FAF2: variants seen among roughly 807,000 people sequenced by gnomAD.
The protein encoded by FAF2 is Fas associated factor family member 2, also known as FAS-associated factor 2.
A neutral mutation model predicts 62.3 loss-of-function variants in FAF2; 9 were observed. The observed-to-expected ratio is 0.14, with a 90% CI of 0.09 to 0.25. FAF2 has a LOEUF of 0.25. Ranked by LOEUF, FAF2 falls within the 10% of genes least tolerant of loss-of-function variation. The pLI is 1.00. For synonymous variants in FAF2, 202 were observed against 198.0 expected, an observed-to-expected ratio of 1.02 and a Z score of -0.17; for missense variants, 368 against 556.2, an observed-to-expected ratio of 0.66 and a Z score of 3.40.
intron 5 of FAF2, 127 bp downstream of exon 5, chr5:176,492,459 A>G (rs1025397716): frequency 1.9e-6 from 2 of 1,036,724 alleles, no homozygotes; most frequent in African/African-American, 1.6e-5. Context: ...CACTGCTTAT[A>G]GGGGTGGGTA....
intron 1 of FAF2, among the ~76,000 whole-genome samples, chr5:176,471,932 G>A (rs192336128): frequency 1.3e-5 from 2 of 151,732 alleles, no homozygotes; most frequent in Non-Finnish European, 2.9e-5. Flanking sequence ...CGCCCCCCTC[G>A]GTCTCCCAAA....
rs10066209 is a variant in FAF2, at chr5:176,456,272, A to G, written c.63+7802A>G. Among the ~76,000 whole-genome samples the G allele has an allele frequency of 4.6e-5, 7 of 152,304 alleles. No individual in the cohort carries two copies. In the East Asian group the frequency reaches 7.7e-4, roughly 17 times the overall value. ...TTTTTAGTAGAGATGGGGTTTTGCCATGCTGGCCAGGCTGGTCTTGAATTC... is the reference window on the plus strand; with the variant it reads ...TTTTTAGTAGAGATGGGGTTTTGCCGTGCTGGCCAGGCTGGTCTTGAATTC... On this transcript the variant is annotated intron_variant, in intron 1 of 10. Transcript: ENST00000261942.
chr5:176,486,336 A>T lies in FAF2; in HGVS notation c.133-19A>T. 1 of 1,609,712 alleles carries T rather than the reference A, an allele frequency of 6.2e-7. No homozygotes were observed. On this transcript the variant is annotated intron_variant, in intron 2 of 10. Coordinates refer to ENST00000261942, the MANE Select transcript of FAF2 (RefSeq NM_014613.3). The stretch of plus-strand genomic sequence containing the variant: ...TTTGAGCATCGCTGAAACTCTTGCC[A>T]CTCCGTTTTCCTTCTCAGGCTGCTG...
At chr5:176,478,474 G>A (rs987086941) in intron 1 of FAF2, among the ~76,000 whole-genome samples, 1 of 151,848 alleles carries the variant, frequency 6.6e-6, no homozygotes, top group East Asian at 1.9e-4. Context: ...GCAAGACCCT[G>A]TCTCGAAAAA....
At chr5:176,456,005 G>A (rs1016662563) in intron 1 of FAF2, among the ~76,000 whole-genome samples, 13 of 151,604 alleles carry the variant, frequency 8.6e-5, no homozygotes, top group African/African-American at 3.2e-4. Flanking sequence ...TTCTGTCTTT[G>A]TCTTATAGAG....
At chr5:176,461,312 CTTT>C (rs60608969) in intron 1 of FAF2, among the ~76,000 whole-genome samples, 24 of 70,732 alleles carry the variant, frequency 3.4e-4, no homozygotes, top group African/African-American at 1.2e-3. Flanking sequence ...CTGTGCCCAG[CTTT>C]TTTTTTTTTT....
chr5:176,505,864 G>C (rs1282418699), intron 10 of FAF2, among the ~76,000 whole-genome samples: 1 of 152,028 alleles, frequency 6.6e-6, no homozygotes, highest in Non-Finnish European at 1.5e-5. Context: ...CACGTTGATT[G>C]ATGGGCTTAA....
chr5:176,458,584 T>A (rs1758320896), intron 1 of FAF2, among the ~76,000 whole-genome samples: 1 of 148,424 alleles, frequency 6.7e-6, no homozygotes, highest in South Asian at 2.2e-4. Context: ...TTGTATTTTT[T>A]AAGTAGAGAT....
chr5:176,504,666 A>G (rs1272820739), intron 10 of FAF2, among the ~76,000 whole-genome samples: 1 of 152,220 alleles, frequency 6.6e-6, no homozygotes, highest in East Asian at 1.9e-4. Context: ...ATGTTAAGAA[A>G]GAGTGAACAT....
At chr5:176,482,017 A>G (rs576068050) in intron 2 of FAF2, among the ~76,000 whole-genome samples, 1 of 151,876 alleles carries the variant, frequency 6.6e-6, no homozygotes, top group East Asian at 1.9e-4. Flanking sequence ...CCTCACCAAC[A>G]CTTGTTAATA....
At chr5:176,482,898 G>A (rs1758807081) in intron 2 of FAF2, among the ~76,000 whole-genome samples, 1 of 99,792 alleles carries the variant, frequency 1.0e-5, no homozygotes. Flanking sequence ...TTGTGGTTTT[G>A]TTGTTGTTGT....
intron 2 of FAF2, among the ~76,000 whole-genome samples, chr5:176,482,802 C>T (rs1758805516): frequency 6.6e-6 from 1 of 152,184 alleles, no homozygotes; most frequent in South Asian, 2.1e-4. Context: ...AGACGTGAGC[C>T]ACCATGCCTG....
intron 8 of FAF2, among the ~76,000 whole-genome samples, chr5:176,497,249 T>TAA (rs151016039): frequency 1.6e-4 from 23 of 148,146 alleles, no homozygotes; most frequent in African/African-American, 5.4e-4. Flanking sequence ...AACTTCGATG[T>TAA]AAAAAAAAAA....
At position 176,501,137 on chromosome 5, in the gene FAF2, AAT is replaced by A. The variant is rs754926783; in HGVS notation, c.1155+993_1155+994del. ...GACCCTGTAAAAAAAAAAAATAAATAATAATAATAATAGGCACTCCCTAGTAG... is the reference window on the plus strand; with the variant it reads ...GACCCTGTAAAAAAAAAAAATAAATAAATAATAATAGGCACTCCCTAGTAG... On this transcript the variant is annotated intron_variant, in intron 10 of 10. Coordinates refer to ENST00000261942, the MANE Select transcript of FAF2 (RefSeq NM_014613.3). 2.2e-3 allele frequency among the ~76,000 whole-genome samples: 286 copies of A among 128,108 alleles called. 1 individual carries two copies. Among genetic ancestry groups the A allele is most frequent in the South Asian group, 9.7e-3 (29 of 2,980 alleles). 84.0% of individuals were successfully genotyped at this position (128,108 alleles called of 152,430 possible).
intron 1 of FAF2, among the ~76,000 whole-genome samples, chr5:176,460,148 G>C (rs1295936818): frequency 6.6e-6 from 1 of 152,156 alleles, no homozygotes; most frequent in African/African-American, 2.4e-5. Context: ...GGGCATCTAG[G>C]TTGATTCCAT....
chr5:176,462,848 GGGAT>G (rs1414619982), intron 1 of FAF2, among the ~76,000 whole-genome samples: 2 of 152,118 alleles, frequency 1.3e-5, no homozygotes, highest in Admixed American at 6.5e-5. Flanking sequence ...GAAGGGGTGA[GGGAT>G]GGGCAGGGAA....
chr5:176,505,344 C>T (rs1755657484), intron 10 of FAF2, among the ~76,000 whole-genome samples: 1 of 152,210 alleles, frequency 6.6e-6, no homozygotes, highest in African/African-American at 2.4e-5. Flanking sequence ...ATCCTGGACT[C>T]TCCTAATACT....
At chr5:176,493,042 T>C (rs1222535844) in intron 5 of FAF2, among the ~76,000 whole-genome samples, 1 of 152,190 alleles carries the variant, frequency 6.6e-6, no homozygotes, top group Non-Finnish European at 1.5e-5. Flanking sequence ...TGTGGGTGTT[T>C]GGTATATCTC....
chr5:176,496,986 A>C (rs1243878942), intron 8 of FAF2: 1 of 164,294 alleles, frequency 6.1e-6, no homozygotes, highest in East Asian at 1.7e-4. Context: ...TCTACAAAAA[A>C]TAAGAAAAAA....
Sources: gnomAD v4.1 joint callset for allele counts (sites outside exome capture counted in the v4.1 genomes callset) on GRCh38, gnomAD v4.1.1 for gene constraint, MANE v1.5 for transcripts, NCBI Gene and HGNC (gene_info 2026-07-23, HGNC 2026-07-21) for gene names.